TBC1D7: variants seen among roughly 807,000 people sequenced by gnomAD.
TBC1D7 encodes TBC1 domain family member 7, also known as TBC domain family 7.
TBC1D7 carries 33 observed loss-of-function variants against 35.3 expected under a neutral mutation model. The observed-to-expected ratio is 0.93, with a 90% CI of 0.71 to 1.25. The LOEUF is 1.25. Among genes scored for constraint, TBC1D7 ranks in the 50% most tolerant of loss-of-function variants. The pLI is 0.00. For synonymous variants in TBC1D7, 135 were observed against 129.5 expected, an observed-to-expected ratio of 1.04 and a Z score of -0.29; for missense variants, 362 against 365.3, an observed-to-expected ratio of 0.99 and a Z score of 0.07.
At chr6:13,320,540 C>A in intron 4 of TBC1D7, 1 of 542,656 alleles carries the variant, frequency 1.8e-6, no homozygotes, top group South Asian at 2.7e-5. Flanking sequence ...ATGCTTAAAG[C>A]TACTTAGCAC....
In TBC1D7 at chr6:13,307,673, C is replaced by T; in HGVS notation, c.592G>A (p.Ala198Thr). 6.2e-7 allele frequency: 1 copy of T among 1,614,136 alleles called. No homozygotes were observed. The highest frequency in any genetic ancestry group is 8.5e-7 in the Non-Finnish European group (1 of 1,180,014). The change falls in exon 6 of 8, where the codon GCG (alanine) becomes ACG (threonine). Residue 198 changes from alanine (A) to threonine (T), a missense_variant. Coordinates refer to ENST00000379300, the MANE Select transcript of TBC1D7 (RefSeq NM_016495.6). ...LLTHLRMCSAAPKLPYDLWFK... is the reference protein window; with the variant it reads ...LLTHLRMCSATPKLPYDLWFK... ...CAGAGATCATAAGGAAGTTTGGGCG[C>T]CGCGGAACACATCCTCAGATGAGTC... is the stretch of plus-strand genomic sequence containing the variant.
At chr6:13,325,980 C>A (rs1056810676) in intron 2 of TBC1D7, among the ~76,000 whole-genome samples, 1 of 152,174 alleles carries the variant, frequency 6.6e-6, no homozygotes, top group African/African-American at 2.4e-5. Flanking sequence ...CATACTAAAG[C>A]AAAGACCGCA....
At position 13,310,637 on chromosome 6, in the gene TBC1D7, C is replaced by CAAA. The variant is rs546122443; in HGVS notation, c.520-2895_520-2893dup. 5.9e-4 allele frequency among the ~76,000 whole-genome samples: 43 copies of CAAA among 72,986 alleles called. 1 individual carries two copies. Among genetic ancestry groups the CAAA allele is most frequent in the Admixed American group, 1.3e-3 (8 of 6,086 alleles). The allele number at this position is 72,986 out of a possible 152,430, so 47.9% of individuals were successfully genotyped here. A position where few individuals can be genotyped will look rare whatever the true frequency, so the allele number is the denominator to read the frequency against. On this transcript the variant is annotated intron_variant, in intron 5 of 7. Coordinates refer to ENST00000379300, the MANE Select transcript of TBC1D7 (RefSeq NM_016495.6). Reference sequence around the variant, plus strand: ...TGGGTGACAGAGCGAGACTCCGTCTCAAAAAAAAAAAAAAAAGAATATTGT... The same window carrying CAAA: ...TGGGTGACAGAGCGAGACTCCGTCTCAAAAAAAAAAAAAAAAAAAGAATATTGT...
intron 4 of TBC1D7, chr6:13,319,648 T>A (rs190110885): frequency 2.4e-4 from 36 of 152,262 alleles, no homozygotes; most frequent in Admixed American, 1.0e-3. Flanking sequence ...GTTTTGATCA[T>A]TACATTACGG....
chr6:13,307,571 T>C, intron 6 of TBC1D7, 29 bp downstream of exon 6: 1 of 1,612,800 alleles, frequency 6.2e-7, no homozygotes. Flanking sequence ...ACGCCAAGCC[T>C]TCAATATGTC....
At chr6:13,306,555 TTA>T (rs1351369611) in intron 6 of TBC1D7, 28 bp from the exon 7 acceptor site, 23 of 1,537,344 alleles carry the variant, frequency 1.5e-5, no homozygotes, top group East Asian at 9.2e-5. Context: ...TATAATCAAA[TTA>T]TATGAGTTTC....
At chr6:13,309,684 A>G (rs1330693076) in intron 5 of TBC1D7, among the ~76,000 whole-genome samples, 3 of 152,260 alleles carry the variant, frequency 2.0e-5, no homozygotes, top group Non-Finnish European at 2.9e-5. Flanking sequence ...TACTTAGGTT[A>G]TAGAGCATCT....
At chr6:13,324,983 T>C (rs1017847900) in intron 3 of TBC1D7, 111 bp downstream of exon 3, 4 of 711,968 alleles carry the variant, frequency 5.6e-6, no homozygotes, top group African/African-American at 5.4e-5. Context: ...GAAGATCCAA[T>C]ATTCAGTAAA....
At position 13,326,835 on chromosome 6, in the gene TBC1D7, C is replaced by T; in HGVS notation, c.64G>A (p.Val22Ile). 1 of 1,613,318 alleles carries T rather than the reference C, an allele frequency of 6.2e-7. No individual in the cohort carries two copies. The highest frequency in any genetic ancestry group is 8.5e-7 in the Non-Finnish European group (1 of 1,179,744). Residue 22 changes from valine (V) to isoleucine (I), a missense_variant, in exon 2 of 8, where the codon GTT becomes ATT. Coordinates refer to ENST00000379300, the MANE Select transcript of TBC1D7 (RefSeq NM_016495.6). ...ATTTCTAATGATTTCTTTTCTTCAA[C>T]TCCACGAAACCCCACTTTCTCATAA... ...VYYEKVGFRG[V>I]EEKKSLEILL...
intron 5 of TBC1D7, among the ~76,000 whole-genome samples, chr6:13,312,252 CAGG>C (rs1406584662): frequency 2.0e-5 from 3 of 152,098 alleles, no homozygotes; most frequent in Non-Finnish European, 4.4e-5. Context: ...AGAAGAGGAA[CAGG>C]AGGAGGAGTG....
At chr6:13,324,150 C>T (rs1037796261) in intron 3 of TBC1D7, among the ~76,000 whole-genome samples, 2 of 150,546 alleles carry the variant, frequency 1.3e-5, no homozygotes, top group Non-Finnish European at 3.0e-5. Context: ...TTTTTGGAGA[C>T]GGAGTCTCGC....
chr6:13,328,146 T>A (rs1165646268), intron 1 of TBC1D7, 150 bp downstream of exon 1: 1 of 152,196 alleles, frequency 6.6e-6, no homozygotes, highest in Non-Finnish European at 1.5e-5. Flanking sequence ...GGACACCCAT[T>A]CTTAGATTGC....
At chr6:13,309,279 A>G (rs1008272041) in intron 5 of TBC1D7, among the ~76,000 whole-genome samples, 6 of 152,382 alleles carry the variant, frequency 3.9e-5, no homozygotes, top group South Asian at 2.1e-4. Context: ...AAAAGTCAGT[A>G]CAAATAATAA....
chr6:13,326,914 G>A lies in TBC1D7; in HGVS notation c.-8-8C>T. ...CCTCAGTCATATTTCATTCTTGGAG[G>A]AGACACAGAAAGACAGAAAGGGAGA... On this transcript the variant is annotated splice_region_variant and splice_polypyrimidine_tract_variant and intron_variant, in intron 1 of 7. Transcript: ENST00000379300. The A allele has an allele frequency of 2.6e-6, 4 of 1,515,256 alleles. No homozygotes were observed. Among genetic ancestry groups the A allele is most frequent in the Non-Finnish European group, 3.6e-6 (4 of 1,099,310 alleles). The allele number at this position is 1,515,256 out of a possible 1,614,324, so 93.9% of individuals were successfully genotyped here.
At chr6:13,307,245 TTGAC>T (rs1782871189) in intron 6 of TBC1D7, 1 of 196,628 alleles carries the variant, frequency 5.1e-6, no homozygotes, top group Non-Finnish European at 1.1e-5. Flanking sequence ...AGTCAAATCT[TTGAC>T]TGCTTTCAGC....
At chr6:13,324,610 C>T (rs1784280857) in intron 3 of TBC1D7, among the ~76,000 whole-genome samples, 1 of 152,192 alleles carries the variant, frequency 6.6e-6, no homozygotes, top group Non-Finnish European at 1.5e-5. Flanking sequence ...TTCCTTCTCA[C>T]TCAGCCACTC....
At chr6:13,306,832 A>T in intron 6 of TBC1D7, 1 of 184,524 alleles carries the variant, frequency 5.4e-6, no homozygotes, top group African/African-American at 2.4e-5. Flanking sequence ...GAAAAAGAAA[A>T]TCCTAAACTA....
intron 7 of TBC1D7, 49 bp downstream of exon 7, chr6:13,306,349 C>G (rs779124610): frequency 6.5e-7 from 1 of 1,543,412 alleles, no homozygotes; most frequent in Non-Finnish European, 8.7e-7. Context: ...ATCTGACTTG[C>G]TAAGGTAACT....
In TBC1D7 at chr6:13,307,587, A is replaced by C; in HGVS notation, c.665+13T>G. On this transcript the variant is annotated intron_variant, in intron 6 of 7. Transcript: ENST00000379300. ...CGCCAAGCCTTCAATATGTCTTCGA[A>C]AGACCTACTTGCCTCTGTAAACTGG... 2.5e-6 allele frequency: 4 copies of C among 1,613,808 alleles called. No individual in the cohort carries two copies. Among genetic ancestry groups the C allele is most frequent in the Non-Finnish European group, 3.4e-6 (4 of 1,179,848 alleles).
Sources: allele counts gnomAD v4.1 joint callset (sites outside exome capture counted in the v4.1 genomes callset), GRCh38; gene constraint gnomAD v4.1.1; transcripts MANE v1.5; gene names NCBI Gene and HGNC (gene_info 2026-07-23, HGNC 2026-07-21).